The following BCAR3 variants were observed in gnomAD, a reference collection of about 807,000 sequenced individuals.
The protein encoded by BCAR3 is breast cancer anti-estrogen resistance protein 3.
Under a neutral mutation model 80.1 loss-of-function variants are expected in BCAR3, and 37 were observed. The observed-to-expected ratio is 0.46, with a 90% CI of 0.36 to 0.61. The LOEUF is 0.61. BCAR3 is among the 20% of genes least tolerant of loss of function. The pLI is 0.00. For missense variants in BCAR3, 978 were observed against 1,068.2 expected (o/e 0.92, Z 1.18); for synonymous variants, 389 against 418.9 (o/e 0.93, Z 0.87).
chr1:93,699,976 A>C (rs1420823429), intron 3 of BCAR3, among the ~76,000 whole-genome samples: 1 of 151,636 alleles, frequency 6.6e-6, no homozygotes, highest in Non-Finnish European at 1.5e-5. Context: ...TGGCTACCCC[A>C]CCCCATTTTA....
At chr1:93,577,879 G>C (rs984470768) in intron 7 of BCAR3, among the ~76,000 whole-genome samples, 1 of 152,302 alleles carries the variant, frequency 6.6e-6, no homozygotes, top group South Asian at 2.1e-4. Flanking sequence ...TCTGCATTTC[G>C]TCGGCACATA....
At chr1:93,692,895 G>A (rs1417254092) in intron 3 of BCAR3, among the ~76,000 whole-genome samples, 1 of 152,204 alleles carries the variant, frequency 6.6e-6, no homozygotes, top group Non-Finnish European at 1.5e-5. Flanking sequence ...TTTGAACAGA[G>A]TTTCAGACAT....
intron 2 of BCAR3, chr1:93,775,433 TG>T (rs1652511928): frequency 6.6e-6 from 1 of 152,236 alleles, no homozygotes; most frequent in Admixed American, 6.5e-5. Flanking sequence ...CGCGCGCGGC[TG>T]GTGAGTCACA....
At chr1:93,722,541 G>A (rs1480026222) in intron 2 of BCAR3, among the ~76,000 whole-genome samples, 1 of 152,156 alleles carries the variant, frequency 6.6e-6, no homozygotes, top group African/African-American at 2.4e-5. Context: ...TCTGAGGGAC[G>A]CTATTTCTCC....
At chr1:93,613,213 A>G (rs1016010598) in intron 3 of BCAR3, among the ~76,000 whole-genome samples, 1 of 152,214 alleles carries the variant, frequency 6.6e-6, no homozygotes, top group African/African-American at 2.4e-5. Flanking sequence ...CTAGTGCGTC[A>G]CAGGCAGGCA....
At chr1:93,701,110 C>T (rs769606297) in intron 3 of BCAR3, among the ~76,000 whole-genome samples, 1 of 152,186 alleles carries the variant, frequency 6.6e-6, no homozygotes, top group Non-Finnish European at 1.5e-5. Flanking sequence ...GTAAAATGGG[C>T]GTAATGAGAA....
chr1:93,622,720 C>T (rs951286452), intron 3 of BCAR3, among the ~76,000 whole-genome samples: 18 of 152,186 alleles, frequency 1.2e-4, no homozygotes, highest in Non-Finnish European at 2.9e-5. Flanking sequence ...TGACTGCCGG[C>T]CAGTTTCTTC....
intron 3 of BCAR3, among the ~76,000 whole-genome samples, chr1:93,704,390 G>T (rs574177109): frequency 6.6e-6 from 1 of 152,282 alleles, no homozygotes; most frequent in South Asian, 2.1e-4. Context: ...CAGCTGTGAT[G>T]GCTGTTGGGT....
intron 2 of BCAR3, among the ~76,000 whole-genome samples, chr1:93,804,412 T>A (rs1252641323): frequency 6.6e-6 from 1 of 152,176 alleles, no homozygotes; most frequent in East Asian, 1.9e-4. Context: ...ATAGAACAAT[T>A]ATAATAATAT....
chr1:93,779,775 A>C (rs1426536808), intron 2 of BCAR3, among the ~76,000 whole-genome samples: 1 of 152,176 alleles, frequency 6.6e-6, no homozygotes, highest in African/African-American at 2.4e-5. Flanking sequence ...ATTTTGCAGC[A>C]AGGGAATGGT....
intron 2 of BCAR3, among the ~76,000 whole-genome samples, chr1:93,802,829 A>G (rs2100791747): frequency 6.6e-6 from 1 of 152,278 alleles, no homozygotes; most frequent in East Asian, 1.9e-4. Context: ...AGAAGCTTCT[A>G]AATACCCCTG....
chr1:93,585,270 G>C, intron 5 of BCAR3: 1 of 918,506 alleles, frequency 1.1e-6, no homozygotes, highest in Non-Finnish European at 1.3e-6. Context: ...GCATAAGGGA[G>C]CCACTGAAGG....
At position 93,630,987 on chromosome 1, in the gene BCAR3, C is replaced by T. The variant is rs145285510; in HGVS notation, c.357+11317G>A. On this transcript the variant is annotated intron_variant, in intron 3 of 11. Transcript: ENST00000260502. ...GTATTAGTTTCCAGGACTGCCAAGA[C>T]CAATTACCACAAACTTGGCTACTTT... 3.6e-3 allele frequency among the ~76,000 whole-genome samples: 550 copies of T among 152,350 alleles called. 1 individual carries two copies. Among genetic ancestry groups the T allele is most frequent in the Middle Eastern group, 0.01 (3 of 294 alleles).
At chr1:93,613,142 C>G (rs535611548) in intron 3 of BCAR3, among the ~76,000 whole-genome samples, 50 of 152,280 alleles carry the variant, frequency 3.3e-4, no homozygotes, top group Admixed American at 2.9e-3. Context: ...CTGGGGCCGA[C>G]AGGCTTTTTC....
chr1:93,648,130 C>T (rs1488021958), intron 2 of BCAR3, among the ~76,000 whole-genome samples: 1 of 152,154 alleles, frequency 6.6e-6, no homozygotes, highest in Non-Finnish European at 1.5e-5. Flanking sequence ...TGGACTATCT[C>T]TACATGAGGA....
intron 2 of BCAR3, among the ~76,000 whole-genome samples, chr1:93,837,866 G>A (rs1654823174): frequency 6.6e-6 from 1 of 152,168 alleles, no homozygotes; most frequent in African/African-American, 2.4e-5. Flanking sequence ...CTTCATGTTA[G>A]TACCTATGAG....
intron 2 of BCAR3, among the ~76,000 whole-genome samples, chr1:93,843,812 T>C (rs1322783247): frequency 2.0e-5 from 3 of 152,202 alleles, no homozygotes; most frequent in African/African-American, 7.2e-5. Context: ...TGGAGTGTCC[T>C]TGAAGGTAGG....
intron 8 of BCAR3, among the ~76,000 whole-genome samples, chr1:93,572,107 T>C (rs568528425): frequency 7.6e-4 from 115 of 152,274 alleles, no homozygotes; most frequent in Middle Eastern, 6.8e-3. Context: ...ACCCTGGACC[T>C]GGGGGCACAA....
chr1:93,620,382 G>T (rs1159353166), intron 3 of BCAR3, among the ~76,000 whole-genome samples: 1 of 152,162 alleles, frequency 6.6e-6, no homozygotes, highest in Admixed American at 6.5e-5. Context: ...GTCATGTTAG[G>T]AGTTGTTTAA....
Sources: allele counts gnomAD v4.1 joint callset (sites outside exome capture counted in the v4.1 genomes callset), GRCh38; gene constraint gnomAD v4.1.1; transcripts MANE v1.5; gene names NCBI Gene and HGNC (gene_info 2026-07-23, HGNC 2026-07-21).